Variants in SLC26A6 observed in about 807,000 individuals in gnomAD.
SLC26A6 encodes solute carrier family 26 member 6.
A neutral mutation model predicts 87.1 loss-of-function variants in SLC26A6; 67 were observed. That is an observed-to-expected ratio of 0.77 (90% confidence interval 0.63 to 0.94). The LOEUF is 0.94. Ranked by LOEUF, SLC26A6 falls within the 40% of genes least tolerant of loss-of-function variation. The pLI is 0.00. For synonymous variants in SLC26A6, 414 were observed against 405.9 expected (o/e 1.02, Z -0.24); for missense variants, 902 against 973.0 (o/e 0.93, Z 0.97).
At chr3:48,627,088 A>T (rs373626706) in intron 17 of SLC26A6, 33 bp from the exon 18 acceptor site, 2 of 1,601,200 alleles carry the variant, frequency 1.2e-6, no homozygotes, top group African/African-American at 1.3e-5. Context: ...AGGGCCACCC[A>T]TGAGAGAGTG....
intron 14 of SLC26A6, 42 bp downstream of exon 14, chr3:48,629,600 G>A (rs116715115): frequency 0.025 from 38,729 of 1,555,730 alleles, 538 homozygotes; most frequent in Non-Finnish European, 0.03. Flanking sequence ...TTCTTCCTCC[G>A]TCTCCCCATC....
Position 48,630,052 on chromosome 3 carries a change from G to A in SLC26A6, c.1422+10C>T. On this transcript the variant is annotated intron_variant, in intron 12 of 20. Transcript: ENST00000395550. ...GCCCAGTCCCTGCCCTGGGCTCCCAGTGCACTCACCAGATCCGCCCGATTG... is the reference window on the plus strand; with the variant it reads ...GCCCAGTCCCTGCCCTGGGCTCCCAATGCACTCACCAGATCCGCCCGATTG... The A allele has an allele frequency of 1.2e-6, 2 of 1,613,666 alleles. No individual in the cohort carries two copies. Among genetic ancestry groups the A allele is most frequent in the Non-Finnish European group, 1.7e-6 (2 of 1,179,798 alleles).
Position 48,631,136 on chromosome 3 carries a change from C to A in SLC26A6, c.991G>T (p.Val331Leu), listed in dbSNP as rs757082515. The A allele has an allele frequency of 2.5e-6, 4 of 1,613,696 alleles. No homozygotes were observed. Among genetic ancestry groups the A allele is most frequent in the Non-Finnish European group, 3.4e-6 (4 of 1,180,008 alleles). Residue 331 changes from valine (V) to leucine (L), a missense_variant, in exon 9 of 21, where the codon GTG (valine) becomes TTG (leucine). Coordinates refer to ENST00000395550, the MANE Select transcript of SLC26A6 (RefSeq NM_022911.3). Reference sequence around the variant, plus strand: ...TGGGTGTTGGGGGCCACTGGGGGCACCAGCCTGTGAGAGGTATCTGTGAGG... The same window carrying A: ...TGGGTGTTGGGGGCCACTGGGGGCAACAGCCTGTGAGAGGTATCTGTGAGG... ...DVVGNIPAGL[V>L]PPVAPNTQLF...
Position 48,630,165 on chromosome 3 carries a change from G to A in SLC26A6, c.1327-8C>T. 6.2e-7 allele frequency: 1 copy of A among 1,605,140 alleles called. No homozygotes were observed. The highest frequency in any genetic ancestry group is 1.3e-5 in the African/African-American group (1 of 74,856). ...GATGGCTGCCAGGACCGCCTGGGGT[G>A]GGGACAGTGCCACCAGGGGCCATTG... is the stretch of plus-strand genomic sequence containing the variant. On this transcript the variant is annotated splice_region_variant and splice_polypyrimidine_tract_variant and intron_variant, in intron 11 of 20. Transcript: ENST00000395550.
At chr3:48,626,510 A>C in intron 19 of SLC26A6, 121 bp downstream of exon 19, 1 of 1,550,390 alleles carries the variant, frequency 6.4e-7, no homozygotes, top group Non-Finnish European at 8.9e-7. Flanking sequence ...CCTGTCTCCC[A>C]GGACACCTCT....
intron 19 of SLC26A6, 96 bp downstream of exon 19, chr3:48,626,535 G>C (rs1258607292): frequency 6.3e-7 from 1 of 1,583,990 alleles, no homozygotes; most frequent in Non-Finnish European, 8.7e-7. Flanking sequence ...TCCAGTTCCA[G>C]AGAAAGACTT....
rs371431273 is a variant in SLC26A6, at chr3:48,633,396, G to A, written c.183-6C>T. 4 of 1,613,146 alleles carry A rather than the reference G, an allele frequency of 2.5e-6. No homozygotes were observed. Among genetic ancestry groups the A allele is most frequent in the Non-Finnish European group, 2.5e-6 (3 of 1,179,982 alleles). ...AGGCCCGAGCACGGGAGCACCTAGG[G>A]ACATGATATGAGGGGTAGGTGTCAG... is the stretch of plus-strand genomic sequence containing the variant. On this transcript the variant is annotated splice_region_variant and splice_polypyrimidine_tract_variant and intron_variant, in intron 2 of 20. Coordinates refer to ENST00000395550, the MANE Select transcript of SLC26A6 (RefSeq NM_022911.3).
intron 1 of SLC26A6, among the ~76,000 whole-genome samples, chr3:48,634,905 C>T (rs1291842907): frequency 2.6e-5 from 4 of 152,178 alleles, no homozygotes; most frequent in Admixed American, 2.0e-4. Flanking sequence ...AACTTGGGAC[C>T]CGCGTTTGGA....
At chr3:48,627,456 C>G (rs2046656947) in intron 17 of SLC26A6, 1 of 204,698 alleles carries the variant, frequency 4.9e-6, no homozygotes, top group Non-Finnish European at 9.7e-6. Flanking sequence ...GTTTGGCATC[C>G]TCTTTGACCC....
intron 8 of SLC26A6, 37 bp from the exon 9 acceptor site, chr3:48,631,177 G>C (rs1325491781): frequency 6.2e-7 from 1 of 1,613,082 alleles, no homozygotes; most frequent in Non-Finnish European, 8.5e-7. Flanking sequence ...GCAAGGTCCT[G>C]TCCTGGCTGC....
intron 11 of SLC26A6, 103 bp downstream of exon 11, chr3:48,630,335 C>T: frequency 1.2e-5 from 16 of 1,379,228 alleles, no homozygotes; most frequent in Non-Finnish European, 1.6e-5. Context: ...CCTTGAAAAA[C>T]AGAACCTAAC....
intron 19 of SLC26A6, 29 bp downstream of exon 19, chr3:48,626,602 G>A (rs1305511997): frequency 6.2e-7 from 1 of 1,613,930 alleles, no homozygotes; most frequent in East Asian, 2.2e-5. Flanking sequence ...CTCTTCCCAG[G>A]TCCCTCCTGC....
Position 48,632,028 on chromosome 3 carries a change from A to G in SLC26A6, c.602T>C (p.Ile201Thr). 2 of 1,613,296 alleles carry G rather than the reference A, an allele frequency of 1.2e-6. No individual in the cohort carries two copies. Among genetic ancestry groups the G allele is most frequent in the Non-Finnish European group, 1.7e-6 (2 of 1,179,996 alleles). ...GTAGGTGACCACGAAGCCGAAGTGG[A>G]TCAGGCCCAGCCCCACCTGTGGGGC... is the stretch of plus-strand genomic sequence containing the variant. ...VGLFQVGLGL[I>T]HFGFVVTYLS... Residue 201 changes from isoleucine to threonine, a missense_variant, in exon 6 of 21, where the codon ATC (isoleucine) becomes ACC (threonine). By Grantham distance (89) the Ile-to-Thr change is moderately conservative (BLOSUM62 -1). Around this residue, in one of 3 missense-constraint regions of SLC26A6, gnomAD observed 800 missense variants for 856.8 expected, o/e 0.93. Transcript: ENST00000395550.
chr3:48,635,385 C>T lies in SLC26A6; in HGVS notation c.9G>A (p.Leu3=), dbSNP rs1215327260. ...GCTGAACTCACCCCGACGCATCCGC[C>T]AGCCCCATGGCTCGCAAGTTGTCCG... MG[L]ADASGPRDTQ... Residue 3 remains leucine, a synonymous_variant, in exon 1 of 21, where the codon CTG becomes CTA. Coordinates refer to ENST00000395550, the MANE Select transcript of SLC26A6 (RefSeq NM_022911.3). 3 of 1,586,746 alleles carry T rather than the reference C, an allele frequency of 1.9e-6. No individual in the cohort carries two copies. Among genetic ancestry groups the T allele is most frequent in the Non-Finnish European group, 2.6e-6 (3 of 1,167,746 alleles).
In SLC26A6 at chr3:48,629,986, C is replaced by T. The variant is rs1192965010; in HGVS notation, c.1423-8G>A. 6.2e-7 allele frequency: 1 copy of T among 1,613,916 alleles called. No homozygotes were observed. Among genetic ancestry groups the T allele is most frequent in the Non-Finnish European group, 8.5e-7 (1 of 1,179,974 alleles). The stretch of plus-strand genomic sequence containing the variant: ...GGTCACCAGCCAGATAAGCTGAGAA[C>T]AGAGGGCAGCGGTTGGAGGGCGGCG... On this transcript the variant is annotated splice_region_variant and splice_polypyrimidine_tract_variant and intron_variant, in intron 12 of 20. Coordinates refer to ENST00000395550, the MANE Select transcript of SLC26A6 (RefSeq NM_022911.3).
In SLC26A6 at chr3:48,633,330, T is replaced by C; in HGVS notation, c.243A>G (p.Leu81=). Residue 81 remains leucine, a synonymous_variant, in exon 3 of 21, where the codon TTA becomes TTG. Transcript: ENST00000395550. Reference sequence around the variant, plus strand: ...GCCAGTCACGCACAGGATACCGGGGTAACCAGACCAAAACCGGGAGGTGTT... The same window carrying C: ...GCCAGTCACGCACAGGATACCGGGGCAACCAGACCAAAACCGGGAGGTGTT... The part of the protein sequence containing the change: ...LLQHLPVLVW[L]PRYPVRDWLL... 1 of 1,613,336 alleles carries C rather than the reference T, an allele frequency of 6.2e-7. No individual in the cohort carries two copies. Among genetic ancestry groups the C allele is most frequent in the Non-Finnish European group, 8.5e-7 (1 of 1,179,954 alleles).
intron 14 of SLC26A6, among the ~76,000 whole-genome samples, chr3:48,629,143 A>C (rs892839819): frequency 9.9e-5 from 15 of 151,906 alleles, no homozygotes; most frequent in Admixed American, 7.9e-4. Context: ...ATCCTCTCCC[A>C]TGTCTCAGAC....
In SLC26A6 at chr3:48,628,384, C is replaced by T; in HGVS notation, c.1800+50G>A. 1 of 1,602,404 alleles carries T rather than the reference C, an allele frequency of 6.2e-7. No homozygotes were observed. Among genetic ancestry groups the T allele is most frequent in the Non-Finnish European group, 8.5e-7 (1 of 1,176,432 alleles). On this transcript the variant is annotated intron_variant, in intron 16 of 20. Transcript: ENST00000395550. The surrounding 1 kb of genome is among the most constrained non-coding windows in gnomAD (Gnocchi z 4.4). Reference sequence around the variant, plus strand: ...TCGGGGGCCAGGAGAAAGGCTGGGGCAGGGAACAGGGGGCAGGAGATGGGG... The same window carrying T: ...TCGGGGGCCAGGAGAAAGGCTGGGGTAGGGAACAGGGGGCAGGAGATGGGG...
intron 13 of SLC26A6, 45 bp from the exon 14 acceptor site, chr3:48,629,756 G>A (rs772372984): frequency 9.9e-6 from 16 of 1,610,360 alleles, no homozygotes; most frequent in Non-Finnish European, 1.3e-5. Context: ...CAGAAAAAGG[G>A]GATAACAGAG....
Sources: gnomAD v4.1 joint callset for allele counts (sites outside exome capture counted in the v4.1 genomes callset) on GRCh38, gnomAD v4.1.1 for gene constraint, gnomAD v4.1.1 regional missense constraint, Gnocchi (gnomAD v3.1) non-coding constraint, MANE v1.5 for transcripts, NCBI Gene and HGNC (gene_info 2026-07-23, HGNC 2026-07-21) for gene names.